The following GRM5 variants were observed in gnomAD, a reference collection of about 807,000 sequenced individuals.
GRM5 encodes glutamate metabotropic receptor 5.
In GRM5, 19 loss-of-function variants were observed where a neutral mutation model predicts 83.1. The observed-to-expected ratio is 0.23, with a 90% CI of 0.16 to 0.34. GRM5 has a LOEUF of 0.34. Among genes scored for constraint, GRM5 ranks in the 10% least tolerant of loss-of-function variants. GRM5 has a pLI of 1.00. For synonymous variants in GRM5, 675 were observed against 633.6 expected (o/e 1.07, Z -0.98); for missense variants, 1,160 against 1,588.3 (o/e 0.73, Z 4.58).
chr11:88,733,646 G>A (rs939869249), intron 3 of GRM5, among the ~76,000 whole-genome samples: 11 of 151,930 alleles, frequency 7.2e-5, no homozygotes, highest in Admixed American at 5.9e-4. Context: ...TTAAGAAGCT[G>A]AAAATAGCAG....
chr11:88,507,507 A>T lies in GRM5; in HGVS notation c.*1085T>A, dbSNP rs562613844. The T allele has an allele frequency of 6.6e-6, 1 of 152,326 alleles. No individual in the cohort carries two copies. Among genetic ancestry groups the T allele is most frequent in the Non-Finnish European group, 1.5e-5 (1 of 68,018 alleles). 9.4% of individuals were successfully genotyped at this position (152,326 alleles called of 1,614,324 possible). A position where few individuals can be genotyped will look rare whatever the true frequency, so the allele number is the denominator to read the frequency against. ...CAACAACAGTCTCTCAAATCATGACAATGTCTTCATGGGGTCTATGGACCA... is the reference window on the plus strand; with the variant it reads ...CAACAACAGTCTCTCAAATCATGACTATGTCTTCATGGGGTCTATGGACCA... On this transcript the variant is annotated 3_prime_UTR_variant, in exon 10 of 10. Coordinates refer to ENST00000305447, the MANE Select transcript of GRM5 (RefSeq NM_001143831.3).
At chr11:88,999,160 T>C (rs1434012100) in intron 2 of GRM5, among the ~76,000 whole-genome samples, 2 of 152,156 alleles carry the variant, frequency 1.3e-5, no homozygotes, top group East Asian at 3.9e-4. Context: ...GGCAATATCA[T>C]TCAGGACATA....
chr11:88,736,420 C>T (rs1161506410), intron 3 of GRM5, among the ~76,000 whole-genome samples: 2 of 152,006 alleles, frequency 1.3e-5, no homozygotes, highest in Non-Finnish European at 2.9e-5. Context: ...TTTTGTATCT[C>T]TTTGCAAGTG....
intron 3 of GRM5, among the ~76,000 whole-genome samples, chr11:88,768,014 G>A (rs550158531): frequency 6.6e-6 from 1 of 152,040 alleles, no homozygotes; most frequent in East Asian, 1.9e-4. Context: ...CAGTATAGCT[G>A]CTGTGGCAAA....
chr11:88,563,242 G>A lies in GRM5; in HGVS notation c.2630+3811C>T, dbSNP rs140447449. On this transcript the variant is annotated intron_variant, in intron 8 of 9. Transcript: ENST00000305447. ...TACAGTTGAGAAAACAGACTAAAGT[G>A]CCTTATTCAAATTCATAGCTGAATT... 3.9e-5 allele frequency among the ~76,000 whole-genome samples: 6 copies of A among 152,258 alleles called. No individual in the cohort carries two copies. The East Asian group carries it at 1.2e-3, about 29-fold the overall frequency.
intron 3 of GRM5, among the ~76,000 whole-genome samples, chr11:88,714,040 G>A (rs1334449019): frequency 6.6e-6 from 1 of 151,932 alleles, no homozygotes; most frequent in Non-Finnish European, 1.5e-5. Flanking sequence ...AGTTCAAATA[G>A]GTGGATGTTT....
intron 2 of GRM5, among the ~76,000 whole-genome samples, chr11:88,894,359 T>G (rs930540149): frequency 2.0e-5 from 3 of 152,018 alleles, no homozygotes; most frequent in African/African-American, 7.2e-5. Flanking sequence ...CTGTTTATCT[T>G]TCTCTTCTCT....
chr11:88,589,109 C>T (rs992547099), intron 7 of GRM5, among the ~76,000 whole-genome samples: 1 of 151,662 alleles, frequency 6.6e-6, no homozygotes, highest in Non-Finnish European at 1.5e-5. Flanking sequence ...TTTTTATTTT[C>T]ACAATAATCC....
At chr11:88,849,532 C>T (rs1486419033) in intron 3 of GRM5, among the ~76,000 whole-genome samples, 1 of 152,154 alleles carries the variant, frequency 6.6e-6, no homozygotes, top group Non-Finnish European at 1.5e-5. Context: ...TATGATTCAA[C>T]ATTATAAACC....
At chr11:89,038,994 G>A (rs1941461203) in intron 2 of GRM5, among the ~76,000 whole-genome samples, 5 of 152,062 alleles carry the variant, frequency 3.3e-5, no homozygotes, top group African/African-American at 7.2e-5. Context: ...GGTCAGGCGC[G>A]GTGGCTCACG....
intron 2 of GRM5, among the ~76,000 whole-genome samples, chr11:88,921,514 C>T (rs1451682401): frequency 6.6e-6 from 1 of 152,058 alleles, no homozygotes. Flanking sequence ...CCTGTAGTCC[C>T]AGCTACTCTG....
intron 2 of GRM5, among the ~76,000 whole-genome samples, chr11:88,978,175 T>A (rs1013329694): frequency 6.6e-6 from 1 of 152,180 alleles, no homozygotes; most frequent in African/African-American, 2.4e-5. Flanking sequence ...GTTAATGTTG[T>A]ATTGTACATT....
intron 8 of GRM5, among the ~76,000 whole-genome samples, chr11:88,560,956 G>C (rs1942740800): frequency 6.6e-6 from 1 of 152,148 alleles, no homozygotes; most frequent in African/African-American, 2.4e-5. Context: ...TCCAGATGTG[G>C]GAAAATCTGT....
intron 3 of GRM5, among the ~76,000 whole-genome samples, chr11:88,804,826 G>T (rs1201547864): frequency 6.6e-6 from 1 of 152,154 alleles, no homozygotes; most frequent in African/African-American, 2.4e-5. Flanking sequence ...CAGAAACATA[G>T]GAGGGTGGCA....
At chr11:88,748,033 G>A (rs930476929) in intron 3 of GRM5, among the ~76,000 whole-genome samples, 6 of 152,166 alleles carry the variant, frequency 3.9e-5, no homozygotes, top group Non-Finnish European at 8.8e-5. Context: ...CCACTCTGGA[G>A]TAGCAGAGAG....
chr11:88,987,633 G>C (rs1374350278), intron 2 of GRM5, among the ~76,000 whole-genome samples: 6 of 152,172 alleles, frequency 3.9e-5, no homozygotes, highest in Non-Finnish European at 7.3e-5. Context: ...GAAGAGAGCA[G>C]TGGTTCTCCC....
intron 2 of GRM5, among the ~76,000 whole-genome samples, chr11:88,978,212 T>C (rs1939402539): frequency 6.6e-6 from 1 of 151,766 alleles, no homozygotes; most frequent in Non-Finnish European, 1.5e-5. Flanking sequence ...GGGTAGATCT[T>C]ATGTTAATTG....
Position 88,567,075 on chromosome 11 carries a change from C to G in GRM5, c.2608G>C (p.Gly870Arg). The G allele has an allele frequency of 1.2e-6, 2 of 1,612,072 alleles. No homozygotes were observed. Among genetic ancestry groups the G allele is most frequent in the Non-Finnish European group, 1.7e-6 (2 of 1,178,610 alleles). The change falls in exon 8 of 10, where the codon GGC (glycine) becomes CGC (arginine). Residue 870 changes from glycine (G) to arginine (R), a missense_variant. By Grantham distance (125) the Gly-to-Arg change is moderately radical. Around this residue, in one of 9 missense-constraint regions of GRM5, gnomAD observed 562 missense variants for 532.4 expected, o/e 1.06. Transcript: ENST00000305447. This position sits in a 1 kb window ranked among gnomAD's most constrained non-coding sequence, Gnocchi z 7.3. ...SSLVNLWKRR[G>R]SSGETLRYKD... ...TACCTTAAGGTTTCCCCAGAGGAGC[C>G]CCTTCTCTTCCACAGGTTGACTAGG... is the stretch of plus-strand genomic sequence containing the variant.
chr11:88,888,848 C>A (rs1056833150), intron 2 of GRM5, among the ~76,000 whole-genome samples: 4 of 152,122 alleles, frequency 2.6e-5, no homozygotes, highest in Non-Finnish European at 5.9e-5. Context: ...ACCCAGGACC[C>A]CCTAAGCCTG....
Sources: gnomAD v4.1 joint callset for allele counts (sites outside exome capture counted in the v4.1 genomes callset) on GRCh38, gnomAD v4.1.1 for gene constraint, gnomAD v4.1.1 regional missense constraint, Gnocchi (gnomAD v3.1) non-coding constraint, MANE v1.5 for transcripts, NCBI Gene and HGNC (gene_info 2026-07-23, HGNC 2026-07-21) for gene names.